Variants in TMEM54 observed in about 807,000 individuals in gnomAD.
TMEM54 encodes beta-casein-like protein.
Under a neutral mutation model 21.3 loss-of-function variants are expected in TMEM54, and 21 were observed. The observed-to-expected ratio is 0.99, with a 90% CI of 0.70 to 1.42. The LOEUF (loss-of-function observed/expected upper bound fraction) is 1.42. Among genes scored for constraint, TMEM54 ranks in the 40% most tolerant of loss-of-function variants. TMEM54 has a pLI of 0.00. For synonymous variants in TMEM54, 109 were observed against 125.0 expected (o/e 0.87, Z 0.86); for missense variants, 246 against 294.0 (o/e 0.84, Z 1.19).
At position 32,896,588 on chromosome 1, in the gene TMEM54, GCCCTGCTCAGGTTTGCACACGTTT is replaced by G. The variant is rs1343178807; in HGVS notation, c.211-643_211-620del. Among the ~76,000 whole-genome samples the G allele has an allele frequency of 6.6e-6, 1 of 152,202 alleles. No individual in the cohort carries two copies. Among genetic ancestry groups the G allele is most frequent in the African/African-American group, 2.4e-5 (1 of 41,450 alleles). On this transcript the variant is annotated intron_variant, in intron 2 of 5. Transcript: ENST00000373463. The surrounding 1 kb of genome is among the most constrained non-coding windows in gnomAD (Gnocchi z 4.1). ...TCCTCTGCCCGTGTGGATCCTGCAAGCCCTGCTCAGGTTTGCACACGTTTCCCTAACCAGCCTCGATCCCAAGGG... is the reference window on the plus strand; with the variant it reads ...TCCTCTGCCCGTGTGGATCCTGCAAGCCCTAACCAGCCTCGATCCCAAGGG...
rs1156416253 is a variant in TMEM54, at chr1:32,897,969, G to C, written c.210+157C>G. On this transcript the variant is annotated intron_variant, in intron 2 of 5. Coordinates refer to ENST00000373463, the MANE Select transcript of TMEM54 (RefSeq NM_033504.4). This position sits in a 1 kb window ranked among gnomAD's most constrained non-coding sequence, Gnocchi z 4.9. The stretch of plus-strand genomic sequence containing the variant: ...TTACCATCTCCATTTGATAGATGAA[G>C]AAGTTGAGTGACTTGGGCAGTTGGT... 7.9e-6 allele frequency: 5 copies of C among 631,434 alleles called. No homozygotes were observed. The highest frequency in any genetic ancestry group is 1.1e-5 in the Non-Finnish European group (4 of 361,144). The allele number at this position is 631,434 out of a possible 1,614,324, so 39.1% of individuals were successfully genotyped here.
chr1:32,894,670 G>A lies in TMEM54; in HGVS notation c.*135C>T, dbSNP rs2124035849. On this transcript the variant is annotated 3_prime_UTR_variant, in exon 6 of 6. Transcript: ENST00000373463. ...CAGTGGGCTGGGTGGTGGGGGAGAGGGTTGAAAGCCCCACTTGGGTCCCCG... is the reference window on the plus strand; with the variant it reads ...CAGTGGGCTGGGTGGTGGGGGAGAGAGTTGAAAGCCCCACTTGGGTCCCCG... The A allele has an allele frequency of 8.4e-7, 1 of 1,185,022 alleles. No homozygotes were observed. Among genetic ancestry groups the A allele is most frequent in the Non-Finnish European group, 1.2e-6 (1 of 839,052 alleles). The allele number at this position is 1,185,022 out of a possible 1,614,324, so 73.4% of individuals were successfully genotyped here.
chr1:32,898,216 G>A lies in TMEM54; in HGVS notation c.120C>T (p.Gly40=), dbSNP rs1641644177. 1.2e-6 allele frequency: 2 copies of A among 1,613,686 alleles called. No individual in the cohort carries two copies. Among genetic ancestry groups the A allele is most frequent in the Non-Finnish European group, 1.7e-6 (2 of 1,179,644 alleles). Residue 40 remains glycine (G), a synonymous_variant, in exon 2 of 6, where the codon GGC becomes GGT. Coordinates refer to ENST00000373463, the MANE Select transcript of TMEM54 (RefSeq NM_033504.4). ...GGGTGCCCACGTAGCGCAGCACTGT[G>A]CCATGGAACAGGGCAGCTGTGATGA... ...VSFITAALFH[G]TVLRYVGTPQ...
Position 32,901,088 on chromosome 1 carries a change from A to T in TMEM54, c.16+135T>A. On this transcript the variant is annotated intron_variant, in intron 1 of 5. Transcript: ENST00000373463. The surrounding 1 kb of genome is among the most constrained non-coding windows in gnomAD (Gnocchi z 4.2). ...GAGGCCCAGAGAGGAAAGTGACCCGACCCCGGCCTCGTAGTAAGTTAGAGG... is the reference window on the plus strand; with the variant it reads ...GAGGCCCAGAGAGGAAAGTGACCCGTCCCCGGCCTCGTAGTAAGTTAGAGG... 1.0e-6 allele frequency: 1 copy of T among 966,246 alleles called. No individual in the cohort carries two copies. The allele number at this position is 966,246 out of a possible 1,614,324, so 59.9% of individuals were successfully genotyped here.
rs1641725985 is a variant in TMEM54, at chr1:32,901,357, C to G, written c.-119G>C. 1 of 1,007,512 alleles carries G rather than the reference C, an allele frequency of 9.9e-7. No homozygotes were observed. Among genetic ancestry groups the G allele is most frequent in the Non-Finnish European group, 1.3e-6 (1 of 799,748 alleles). 62.4% of individuals were successfully genotyped at this position (1,007,512 alleles called of 1,614,324 possible). A position where few individuals can be genotyped will look rare whatever the true frequency, so the allele number is the denominator to read the frequency against. On this transcript the variant is annotated 5_prime_UTR_variant, in exon 1 of 6. Coordinates refer to ENST00000373463, the MANE Select transcript of TMEM54 (RefSeq NM_033504.4). The surrounding 1 kb of genome is among the most constrained non-coding windows in gnomAD (Gnocchi z 4.2). ...CCCGCGCGCCCCGCACCGTCGCGCT[C>G]GCCCACTTCCCGCCCGGAGCCCGGG...
chr1:32,895,852 C>A lies in TMEM54; in HGVS notation c.270+58G>T. 1 of 1,584,044 alleles carries A rather than the reference C, an allele frequency of 6.3e-7. No individual in the cohort carries two copies. Among genetic ancestry groups the A allele is most frequent in the South Asian group, 1.2e-5 (1 of 85,074 alleles). ...CTCTCCAAGGAGGCCAGGCCCTTGG[C>A]GGGTGGCTGCTGCCCCTACCCTTCC... On this transcript the variant is annotated intron_variant, in intron 3 of 5. Coordinates refer to ENST00000373463, the MANE Select transcript of TMEM54 (RefSeq NM_033504.4). The surrounding 1 kb of genome is among the most constrained non-coding windows in gnomAD (Gnocchi z 5.8).
In TMEM54 at chr1:32,897,297, G is replaced by T. The variant is rs1214613438; in HGVS notation, c.210+829C>A. The stretch of plus-strand genomic sequence containing the variant: ...CAAGGGAGGAACAGGCCTAGAGAGA[G>T]AAATAAGTCCCTCAGCCAGGAGAAG... On this transcript the variant is annotated intron_variant, in intron 2 of 5. Transcript: ENST00000373463. The surrounding 1 kb of genome is among the most constrained non-coding windows in gnomAD (Gnocchi z 4.9). 6.6e-6 allele frequency among the ~76,000 whole-genome samples: 1 copy of T among 152,212 alleles called. No individual in the cohort carries two copies. Among genetic ancestry groups the T allele is most frequent in the Admixed American group, 6.5e-5 (1 of 15,284 alleles).
In TMEM54 at chr1:32,901,185, G is replaced by A; in HGVS notation, c.16+38C>T. On this transcript the variant is annotated intron_variant, in intron 1 of 5. Coordinates refer to ENST00000373463, the MANE Select transcript of TMEM54 (RefSeq NM_033504.4). This position sits in a 1 kb window ranked among gnomAD's most constrained non-coding sequence, Gnocchi z 4.2. ...TGCTCCGCTCCTGTGGGAGGGTTGG[G>A]GTGGTTCGGGGCCTCCCGCGCGCCC... 6 of 1,478,354 alleles carry A rather than the reference G, an allele frequency of 4.1e-6. No homozygotes were observed. Among genetic ancestry groups the A allele is most frequent in the Non-Finnish European group, 5.5e-6 (6 of 1,099,616 alleles). 91.6% of individuals were successfully genotyped at this position (1,478,354 alleles called of 1,614,324 possible). A position where few individuals can be genotyped will look rare whatever the true frequency, so the allele number is the denominator to read the frequency against.
In TMEM54 at chr1:32,894,678, GC is replaced by G; in HGVS notation, c.*126del. ...TGGGTGGTGGGGGAGAGGGTTGAAAGCCCCACTTGGGTCCCCGAGGGTCCAT... is the reference window on the plus strand; with the variant it reads ...TGGGTGGTGGGGGAGAGGGTTGAAAGCCCACTTGGGTCCCCGAGGGTCCAT... On this transcript the variant is annotated 3_prime_UTR_variant, in exon 6 of 6. Coordinates refer to ENST00000373463, the MANE Select transcript of TMEM54 (RefSeq NM_033504.4). 1 of 1,305,200 alleles carries G rather than the reference GC, an allele frequency of 7.7e-7. No homozygotes were observed. Among genetic ancestry groups the G allele is most frequent in the Non-Finnish European group, 1.1e-6 (1 of 945,342 alleles). The allele number at this position is 1,305,200 out of a possible 1,614,324, so 80.9% of individuals were successfully genotyped here.
In TMEM54 at chr1:32,901,150, C is replaced by A; in HGVS notation, c.16+73G>T. On this transcript the variant is annotated intron_variant, in intron 1 of 5. Transcript: ENST00000373463. This position sits in a 1 kb window ranked among gnomAD's most constrained non-coding sequence, Gnocchi z 4.2. ...GCCTGGCCCCCTGGGGGCTCGGGTT[C>A]CGGGCTCAGTGCTCCGCTCCTGTGG... is the stretch of plus-strand genomic sequence containing the variant. The A allele has an allele frequency of 7.3e-7, 1 of 1,362,744 alleles. No individual in the cohort carries two copies. The highest frequency in any genetic ancestry group is 9.6e-7 in the Non-Finnish European group (1 of 1,042,246). 84.4% of individuals were successfully genotyped at this position (1,362,744 alleles called of 1,614,324 possible).
intron 1 of TMEM54, among the ~76,000 whole-genome samples, chr1:32,900,583 G>T (rs574157156): frequency 1.8e-4 from 27 of 152,300 alleles, no homozygotes; most frequent in African/African-American, 6.5e-4. Flanking sequence ...TTTACTCTTA[G>T]AAGCTGCCCT....
rs554782157 is a variant in TMEM54 at position 32,896,799 on chromosome 1, T to C, written c.211-830A>G. Among the ~76,000 whole-genome samples, 3 of 152,320 alleles carry C rather than the reference T, an allele frequency of 2.0e-5. No individual in the cohort carries two copies. The East Asian group carries it at 5.8e-4, about 29-fold the overall frequency. Reference sequence around the variant, plus strand: ...CTGGGTTCCAGGCCTAGCATGTCTTTAGTTCACATGAGAGCCACAACAGAG... The same window carrying C: ...CTGGGTTCCAGGCCTAGCATGTCTTCAGTTCACATGAGAGCCACAACAGAG... On this transcript the variant is annotated intron_variant, in intron 2 of 5. Transcript: ENST00000373463. The surrounding 1 kb of genome is among the most constrained non-coding windows in gnomAD (Gnocchi z 4.1).
chr1:32,901,179 G>A lies in TMEM54; in HGVS notation c.16+44C>T. ...GCTCAGTGCTCCGCTCCTGTGGGAGGGTTGGGGTGGTTCGGGGCCTCCCGC... is the reference window on the plus strand; with the variant it reads ...GCTCAGTGCTCCGCTCCTGTGGGAGAGTTGGGGTGGTTCGGGGCCTCCCGC... On this transcript the variant is annotated intron_variant, in intron 1 of 5. Coordinates refer to ENST00000373463, the MANE Select transcript of TMEM54 (RefSeq NM_033504.4). The surrounding 1 kb of genome is among the most constrained non-coding windows in gnomAD (Gnocchi z 4.2). 1 of 1,472,094 alleles carries A rather than the reference G, an allele frequency of 6.8e-7. No homozygotes were observed. Among genetic ancestry groups the A allele is most frequent in the Non-Finnish European group, 9.1e-7 (1 of 1,096,236 alleles). The allele number at this position is 1,472,094 out of a possible 1,614,324, so 91.2% of individuals were successfully genotyped here. A position where few individuals can be genotyped will look rare whatever the true frequency, so the allele number is the denominator to read the frequency against.
Position 32,898,280 on chromosome 1 carries a change from T to G in TMEM54, c.56A>C (p.Lys19Thr), listed in dbSNP as rs764688632. The G allele has an allele frequency of 3.1e-6, 5 of 1,610,796 alleles. No homozygotes were observed. Among genetic ancestry groups the G allele is most frequent in the Non-Finnish European group, 4.2e-6 (5 of 1,177,396 alleles). ...CAGCACCACCAGCACCAGGCCTGTC[T>G]TCATCAGCACCTTCCGGAAGTCGCC... Reference protein sequence around the residue: ...SVGDFRKVLMKTGLVLVVLGH... With the variant: ...SVGDFRKVLMTTGLVLVVLGH... Residue 19 changes from lysine (K) to threonine (T), a missense_variant, in exon 2 of 6, where the codon AAG becomes ACG. Transcript: ENST00000373463.
rs759925306 is a variant in TMEM54, at chr1:32,895,484, A to G, written c.460-45T>C. ...GATGGCTGGCTGGAGTTGGGGGTGGAGGGTGGATTCCAAGAGCCCTTCCCA... is the reference window on the plus strand; with the variant it reads ...GATGGCTGGCTGGAGTTGGGGGTGGGGGGTGGATTCCAAGAGCCCTTCCCA... On this transcript the variant is annotated intron_variant, in intron 4 of 5. Transcript: ENST00000373463. The surrounding 1 kb of genome is among the most constrained non-coding windows in gnomAD (Gnocchi z 5.8). The G allele has an allele frequency of 4.4e-6, 7 of 1,596,664 alleles. No homozygotes were observed. In the African/African-American group the frequency reaches 9.4e-5, roughly 21 times the overall value.
intron 1 of TMEM54, among the ~76,000 whole-genome samples, chr1:32,900,402 T>G (rs1005684466): frequency 6.6e-6 from 1 of 152,148 alleles, no homozygotes; most frequent in Non-Finnish European, 1.5e-5. Context: ...TTATTTAAAT[T>G]TTTTGTAGAG....
chr1:32,901,155 C>A lies in TMEM54; in HGVS notation c.16+68G>T. On this transcript the variant is annotated intron_variant, in intron 1 of 5. Transcript: ENST00000373463. This position sits in a 1 kb window ranked among gnomAD's most constrained non-coding sequence, Gnocchi z 4.2. ...GCCCCCTGGGGGCTCGGGTTCCGGGCTCAGTGCTCCGCTCCTGTGGGAGGG... is the reference window on the plus strand; with the variant it reads ...GCCCCCTGGGGGCTCGGGTTCCGGGATCAGTGCTCCGCTCCTGTGGGAGGG... 1.5e-6 allele frequency: 2 copies of A among 1,374,502 alleles called. No homozygotes were observed. Among genetic ancestry groups the A allele is most frequent in the South Asian group, 1.9e-5 (1 of 54,036 alleles). 85.1% of individuals were successfully genotyped at this position (1,374,502 alleles called of 1,614,324 possible).
At chr1:32,899,200 C>G (rs1372112467) in intron 1 of TMEM54, among the ~76,000 whole-genome samples, 1 of 152,044 alleles carries the variant, frequency 6.6e-6, no homozygotes, top group African/African-American at 2.4e-5. Context: ...CACACCACAC[C>G]CCCTGGCCCT....
chr1:32,895,591 G>C lies in TMEM54; in HGVS notation c.423C>G (p.Leu141=). ...TGGGGTCGAAGGGACAGTCAGGTGC[G>C]AGGGCCAGTAGTTCAGAGCTCCCAA... ...CTFGSSELLA[L]APDCPFDPTR... The change falls in exon 4 of 6, where the codon CTC becomes CTG. Residue 141 remains leucine (L), a synonymous_variant. Coordinates refer to ENST00000373463, the MANE Select transcript of TMEM54 (RefSeq NM_033504.4). The surrounding 1 kb of genome is among the most constrained non-coding windows in gnomAD (Gnocchi z 5.8). The C allele has an allele frequency of 6.3e-7, 1 of 1,584,956 alleles. No homozygotes were observed. The highest frequency in any genetic ancestry group is 1.7e-4 in the Middle Eastern group (1 of 6,024).
Sources: gnomAD v4.1 joint callset for allele counts (sites outside exome capture counted in the v4.1 genomes callset) on GRCh38, gnomAD v4.1.1 for gene constraint, Gnocchi (gnomAD v3.1) non-coding constraint, MANE v1.5 for transcripts, NCBI Gene and HGNC (gene_info 2026-07-23, HGNC 2026-07-21) for gene names.